GNAS: variants seen among roughly 807,000 people sequenced by gnomAD.
The protein encoded by GNAS is GNAS complex locus.
In GNAS, 8 loss-of-function variants were observed where a neutral mutation model predicts 54.5. The observed-to-expected ratio is 0.15, with a 90% CI of 0.09 to 0.26. The LOEUF (loss-of-function observed/expected upper bound fraction) is 0.26. Ranked by LOEUF, GNAS falls within the 10% of genes least tolerant of loss-of-function variation. The probability of loss-of-function intolerance (pLI) is 1.00; values close to 1 mark genes in which losing one functional copy is unlikely to be tolerated. For missense variants in GNAS, 170 were observed against 529.8 expected (o/e 0.32, Z 6.67); for synonymous variants, 204 against 191.4 (o/e 1.07, Z -0.54).
chr20:58,890,148 AAGGAGG>A (rs1256269098), upstream of GNAS, among the ~76,000 whole-genome samples: 1 of 151,780 alleles, frequency 6.6e-6, no homozygotes, highest in Admixed American at 6.6e-5. Context: ...GCAGAGGCGA[AAGGAGG>A]AGAAGAAGAA....
At chr20:58,903,210 C>T (rs1055098597) in intron 3 of GNAS, 47 of 447,390 alleles carry the variant, frequency 1.1e-4, no homozygotes, top group Non-Finnish European at 1.8e-4. Flanking sequence ...CCAGGAGAAG[C>T]CTTTAGGAAG....
In GNAS at chr20:58,868,103, C is replaced by G. The variant is rs377018056; in HGVS notation, c.43+27217C>G. Among the ~76,000 whole-genome samples the G allele has an allele frequency of 3.4e-4, 51 of 151,718 alleles. No individual in the cohort carries two copies. In the South Asian group the frequency reaches 9.8e-3, roughly 29 times the overall value. On this transcript the variant is annotated intron_variant, in intron 1 of 12. Transcript: ENST00000306090. The stretch of plus-strand genomic sequence containing the variant: ...TGGCATGATCTTGGCTCACTGCAAC[C>G]TCCACCTCCCAGGTTCAAGCAATTC...
intron 3 of GNAS, chr20:58,903,182 A>G: frequency 2.5e-6 from 1 of 407,228 alleles, no homozygotes; most frequent in South Asian, 2.1e-5. Flanking sequence ...CCTCACCCCT[A>G]CCCAGATGTT....
At chr20:58,895,518 C>G in intron 1 of GNAS, 94 bp from the exon 2 acceptor site, 1 of 790,544 alleles carries the variant, frequency 1.3e-6, no homozygotes, top group Non-Finnish European at 2.3e-6. Context: ...TTGCATGTTG[C>G]TTCTATGGAA....
chr20:58,898,895 T>TGC (rs753820179), intron 2 of GNAS, 46 bp from the exon 3 acceptor site: 88 of 1,529,846 alleles, frequency 5.8e-5, no homozygotes, highest in Non-Finnish European at 7.5e-5. Flanking sequence ...TGTGTGACAC[T>TGC]GCGGTGCCTT....
intron 1 of GNAS, chr20:58,854,136 C>T: frequency 1.2e-6 from 2 of 1,612,498 alleles, no homozygotes; most frequent in Non-Finnish European, 1.7e-6. Flanking sequence ...GGCTGTCAGA[C>T]CTCCTTCTAA....
intron 2 of GNAS, among the ~76,000 whole-genome samples, 179 bp downstream of exon 2, chr20:58,895,863 TG>T (rs2089996824): frequency 6.6e-6 from 1 of 152,058 alleles, no homozygotes; most frequent in East Asian, 1.9e-4. Context: ...CCCACCCCCT[TG>T]GATCTTTGGT....
chr20:58,891,981 C>G, intron 1 of GNAS, 116 bp downstream of exon 1: 24 of 747,784 alleles, frequency 3.2e-5, no homozygotes, highest in South Asian at 6.0e-5. Context: ...GCCCCCCGCC[C>G]GTTCGCGGGC....
At chr20:58,895,721 G>A (rs1156385058) in intron 2 of GNAS, 37 bp downstream of exon 2, 2 of 1,188,230 alleles carry the variant, frequency 1.7e-6, no homozygotes, top group Non-Finnish European at 2.5e-6. Context: ...CACCAAGTAA[G>A]AGGAACAGAC....
chr20:58,843,392 TGA>T (rs1213830256), intron 1 of GNAS: 3 of 152,314 alleles, frequency 2.0e-5, no homozygotes, highest in South Asian at 2.1e-4. Context: ...TCTCTCTGCC[TGA>T]GAGACTGGTA....
chr20:58,840,444 G>GCGAGACCGAGTCCGAAATCGAGTC, upstream of GNAS: 1 of 1,613,368 alleles, frequency 6.2e-7, no homozygotes, highest in Non-Finnish European at 8.5e-7. This position sits in a 1 kb window ranked among gnomAD's most constrained non-coding sequence, Gnocchi z 6.0. Context: ...GAGACCGAGA[G>GCGAGACCGAGTCCGAAATCGAGTC]CGAGACCGAG....
At chr20:58,905,799 A>C (rs190242015) in intron 6 of GNAS, among the ~76,000 whole-genome samples, 12 of 152,360 alleles carry the variant, frequency 7.9e-5, no homozygotes, top group Non-Finnish European at 1.2e-4. Context: ...ATTTAGGGAA[A>C]TAGGGCTGTG....
Position 58,841,692 on chromosome 20 carries a change from G to A in GNAS, c.43+806G>A. On this transcript the variant is annotated intron_variant, in intron 1 of 12. Coordinates refer to the GNAS transcript ENST00000306090. This position sits in a 1 kb window ranked among gnomAD's most constrained non-coding sequence, Gnocchi z 5.0. ...CTGGGGGAAAGGTAGAGGAGGTAAGGGGACCCTTGGGGATGCCCCTACGGG... is the reference window on the plus strand; with the variant it reads ...CTGGGGGAAAGGTAGAGGAGGTAAGAGGACCCTTGGGGATGCCCCTACGGG... 1 of 1,200,226 alleles carries A rather than the reference G, an allele frequency of 8.3e-7. No homozygotes were observed. The highest frequency in any genetic ancestry group is 1.0e-6 in the Non-Finnish European group (1 of 967,908). The allele number at this position is 1,200,226 out of a possible 1,614,324, so 74.3% of individuals were successfully genotyped here. A position where few individuals can be genotyped will look rare whatever the true frequency, so the allele number is the denominator to read the frequency against.
intron 1 of GNAS, among the ~76,000 whole-genome samples, chr20:58,847,608 A>T (rs530032640): frequency 3.3e-5 from 5 of 152,342 alleles, no homozygotes; most frequent in African/African-American, 1.2e-4. Context: ...ACCCACTGAC[A>T]ACCAATGACA....
At chr20:58,907,683 A>G (rs1428764539) in intron 6 of GNAS, among the ~76,000 whole-genome samples, 1 of 152,220 alleles carries the variant, frequency 6.6e-6, no homozygotes, top group Non-Finnish European at 1.5e-5. Flanking sequence ...TTGTCTGAAA[A>G]CGCACCATTT....
chr20:58,840,592 T>A (rs371368364), upstream of GNAS: 1 of 1,610,612 alleles, frequency 6.2e-7, no homozygotes, highest in African/African-American at 1.3e-5. The surrounding 1 kb of genome is among the most constrained non-coding windows in gnomAD (Gnocchi z 6.0). Flanking sequence ...TCACCCAGCG[T>A]CTGCACGCTC....
chr20:58,849,980 C>G (rs1224380207), intron 1 of GNAS, among the ~76,000 whole-genome samples: 1 of 152,176 alleles, frequency 6.6e-6, no homozygotes, highest in Non-Finnish European at 1.5e-5. Context: ...CCATGGCATC[C>G]TCAGAGAGAT....
intron 1 of GNAS, among the ~76,000 whole-genome samples, chr20:58,850,126 C>T (rs1179463357): frequency 3.3e-5 from 5 of 152,180 alleles, no homozygotes; most frequent in African/African-American, 1.2e-4. Context: ...CGTCTCCCAT[C>T]CCCCACTACC....
At chr20:58,894,964 A>C (rs1206054880) in intron 1 of GNAS, among the ~76,000 whole-genome samples, 2 of 152,224 alleles carry the variant, frequency 1.3e-5, no homozygotes, top group African/African-American at 2.4e-5. Flanking sequence ...ATCTTTAGAA[A>C]GATATAGTTT....
Sources: allele counts gnomAD v4.1 joint callset (sites outside exome capture counted in the v4.1 genomes callset), GRCh38; gene constraint gnomAD v4.1.1; non-coding constraint Gnocchi (gnomAD v3.1); transcripts MANE v1.5; gene names NCBI Gene and HGNC (gene_info 2026-07-23, HGNC 2026-07-21).